RILP: variants seen among roughly 807,000 people sequenced by gnomAD.
The protein encoded by RILP is rab-interacting lysosomal protein.
Under a neutral mutation model 40.0 loss-of-function variants are expected in RILP, and 53 were observed. The observed-to-expected ratio is 1.32, with a 90% CI of 1.06 to 1.66. The LOEUF (loss-of-function observed/expected upper bound fraction) is 1.66. Ranked by LOEUF, RILP falls within the 40% of genes most tolerant of loss-of-function variation. The pLI is 0.00. For missense variants in RILP, 626 were observed against 551.7 expected, an observed-to-expected ratio of 1.13 and a Z score of -1.35; for synonymous variants, 272 against 250.6, an observed-to-expected ratio of 1.09 and a Z score of -0.80.
chr17:1,646,489 G>T lies in RILP; in HGVS notation c.1159C>A (p.Leu387Ile). Reference sequence around the variant, plus strand: ...GCCCCCAGACAAAGGTGTTCGTGGAGGGCAGAACAGGGCGGATCAGGAGCT... The same window carrying T: ...GCCCCCAGACAAAGGTGTTCGTGGATGGCAGAACAGGGCGGATCAGGAGCT... Reference protein sequence around the residue: ...SPAPDPPCSALHEHLCLGASA... With the variant: ...SPAPDPPCSAIHEHLCLGASA... Residue 387 changes from leucine to isoleucine, a missense_variant, in exon 8 of 8, where the codon CTC (leucine) becomes ATC (isoleucine). Transcript: ENST00000301336. This position sits in a 1 kb window ranked among gnomAD's most constrained non-coding sequence, Gnocchi z 4.3. 1 of 1,610,258 alleles carries T rather than the reference G, an allele frequency of 6.2e-7. No individual in the cohort carries two copies.
chr17:1,646,499 G>A lies in RILP; in HGVS notation c.1149C>T (p.Pro383=), dbSNP rs757406116. ...AAAGGTGTTCGTGGAGGGCAGAACA[G>A]GGCGGATCAGGAGCTGGAGACTGTG... ...AQPQSPAPDP[P]CSALHEHLCL... The change falls in exon 8 of 8, where the codon CCC becomes CCT. Residue 383 remains proline (P), a synonymous_variant. Transcript: ENST00000301336. This position sits in a 1 kb window ranked among gnomAD's most constrained non-coding sequence, Gnocchi z 4.3. 133 of 1,612,904 alleles carry A rather than the reference G, an allele frequency of 8.2e-5. No individual in the cohort carries two copies. Among genetic ancestry groups the A allele is most frequent in the Non-Finnish European group, 1.0e-4 (119 of 1,179,506 alleles).
chr17:1,647,560 G>A (rs1168896349), intron 6 of RILP, among the ~76,000 whole-genome samples: 1 of 152,166 alleles, frequency 6.6e-6, no homozygotes, highest in Non-Finnish European at 1.5e-5. Flanking sequence ...ATGTGGAGAG[G>A]CAGTGTTGTC....
chr17:1,647,829 A>G lies in RILP; in HGVS notation c.944+6T>C. The G allele has an allele frequency of 6.2e-7, 1 of 1,614,010 alleles. No homozygotes were observed. Among genetic ancestry groups the G allele is most frequent in the Middle Eastern group, 1.7e-4 (1 of 6,060 alleles). On this transcript the variant is annotated splice_donor_region_variant and intron_variant, in intron 6 of 7. Coordinates refer to ENST00000301336, the MANE Select transcript of RILP (RefSeq NM_031430.3). Reference sequence around the variant, plus strand: ...TGGCTCCGTGGGAATGCAGGCAGGGACCTACCTGCTCTCTGCTTCCTCTGG... The same window carrying G: ...TGGCTCCGTGGGAATGCAGGCAGGGGCCTACCTGCTCTCTGCTTCCTCTGG...
chr17:1,649,207 G>T lies in RILP; in HGVS notation c.422C>A (p.Thr141Asn). The change falls in exon 3 of 8, where the codon ACC (threonine) becomes AAC (asparagine). Residue 141 changes from threonine (T) to asparagine (N), a missense_variant. Coordinates refer to ENST00000301336, the MANE Select transcript of RILP (RefSeq NM_031430.3). The surrounding 1 kb of genome is among the most constrained non-coding windows in gnomAD (Gnocchi z 4.3). Reference sequence around the variant, plus strand: ...GCCCCGCCCCGCCCTCACCGCCTCGGTCTCCTGGCCGCGCTGCCGCAGGTC... The same window carrying T: ...GCCCCGCCCCGCCCTCACCGCCTCGTTCTCCTGGCCGCGCTGCCGCAGGTC... ...NRDLRQRGQE[T>N]EALQEQLQRL... 2.0e-6 allele frequency: 3 copies of T among 1,474,710 alleles called. No homozygotes were observed. Among genetic ancestry groups the T allele is most frequent in the Non-Finnish European group, 2.7e-6 (3 of 1,118,410 alleles). 91.4% of individuals were successfully genotyped at this position (1,474,710 alleles called of 1,614,324 possible). A position where few individuals can be genotyped will look rare whatever the true frequency, so the allele number is the denominator to read the frequency against.
At position 1,648,698 on chromosome 17, in the gene RILP, C is replaced by T. The variant is rs1379021350; in HGVS notation, c.675+101G>A. The T allele has an allele frequency of 2.1e-6, 3 of 1,429,404 alleles. No individual in the cohort carries two copies. Among genetic ancestry groups the T allele is most frequent in the African/African-American group, 1.4e-5 (1 of 69,522 alleles). The allele number at this position is 1,429,404 out of a possible 1,614,324, so 88.5% of individuals were successfully genotyped here. ...AGATCTGTCTGCCACCTCCCCGCTT[C>T]CTGGCCGACCTGCTGTGCAGCATGC... On this transcript the variant is annotated intron_variant, in intron 4 of 7. Transcript: ENST00000301336. This position sits in a 1 kb window ranked among gnomAD's most constrained non-coding sequence, Gnocchi z 4.9.
Position 1,646,507 on chromosome 17 carries a change from C to G in RILP, c.1141G>C (p.Asp381His). 6.2e-7 allele frequency: 1 copy of G among 1,613,190 alleles called. No individual in the cohort carries two copies. Reference sequence around the variant, plus strand: ...TCGTGGAGGGCAGAACAGGGCGGATCAGGAGCTGGAGACTGTGGTTGGGCC... The same window carrying G: ...TCGTGGAGGGCAGAACAGGGCGGATGAGGAGCTGGAGACTGTGGTTGGGCC... Reference protein sequence around the residue: ...EEAQPQSPAPDPPCSALHEHL... With the variant: ...EEAQPQSPAPHPPCSALHEHL... Residue 381 changes from aspartate (D) to histidine (H), a missense_variant, in exon 8 of 8, where the codon GAT (aspartate) becomes CAT (histidine). Coordinates refer to ENST00000301336, the MANE Select transcript of RILP (RefSeq NM_031430.3). The surrounding 1 kb of genome is among the most constrained non-coding windows in gnomAD (Gnocchi z 4.3).
rs200883518 is a variant in RILP, at chr17:1,646,568, G to A, written c.1080C>T (p.Ser360=). 28 of 1,610,262 alleles carry A rather than the reference G, an allele frequency of 1.7e-5. No homozygotes were observed. In the Middle Eastern group the frequency reaches 5.0e-4, roughly 29 times the overall value. ...GKAESSEDET[S]SPAPSKLGGE... ...CCCCTAGCTTGCTGGGTGCAGGGCT[G>A]CTGGTCTCATCCTCAGAGGATTCAG... Residue 360 remains serine, a synonymous_variant, in exon 8 of 8, where the codon AGC becomes AGT. Transcript: ENST00000301336. This position sits in a 1 kb window ranked among gnomAD's most constrained non-coding sequence, Gnocchi z 4.3.
In RILP at chr17:1,649,058, A is replaced by G. The variant is rs1910789035; in HGVS notation, c.430-14T>C. 1.4e-5 allele frequency: 4 copies of G among 278,138 alleles called. No individual in the cohort carries two copies. Among genetic ancestry groups the G allele is most frequent in the Non-Finnish European group, 2.6e-5 (4 of 152,750 alleles). The allele number at this position is 278,138 out of a possible 1,614,324, so 17.2% of individuals were successfully genotyped here. A position where few individuals can be genotyped will look rare whatever the true frequency, so the allele number is the denominator to read the frequency against. ...CTGCTCCTGCAACTGGGAGCGGAGC[A>G]AAGGGTGGGGTGGGCGGGGCACCGA... On this transcript the variant is annotated splice_polypyrimidine_tract_variant and intron_variant, in intron 3 of 7. Coordinates refer to ENST00000301336, the MANE Select transcript of RILP (RefSeq NM_031430.3). This position sits in a 1 kb window ranked among gnomAD's most constrained non-coding sequence, Gnocchi z 4.3.
In RILP at chr17:1,649,466, G is replaced by C. The variant is rs1262677181; in HGVS notation, c.268C>G (p.Arg90Gly). The change falls in exon 2 of 8, where the codon CGG becomes GGG. Residue 90 changes from arginine to glycine, a missense_variant. Arg to Gly is a moderately radical substitution (Grantham distance 125, BLOSUM62 -2). Transcript: ENST00000301336. This position sits in a 1 kb window ranked among gnomAD's most constrained non-coding sequence, Gnocchi z 4.3. ...AGGCGCTCGTTCTCCTCCCGCAGCC[G>C]CCGCAGCTCCTGCTCCGCCGGCTGC... The part of the protein sequence containing the change: ...SAQPAEQELR[R>G]LREENERLRR... The C allele has an allele frequency of 6.6e-7, 1 of 1,510,874 alleles. No individual in the cohort carries two copies. Among genetic ancestry groups the C allele is most frequent in the Non-Finnish European group, 8.8e-7 (1 of 1,137,536 alleles). 93.6% of individuals were successfully genotyped at this position (1,510,874 alleles called of 1,614,324 possible).
At position 1,649,083 on chromosome 17, in the gene RILP, A is replaced by G. The variant is rs1182182639; in HGVS notation, c.430-39T>C. On this transcript the variant is annotated intron_variant, in intron 3 of 7. Coordinates refer to ENST00000301336, the MANE Select transcript of RILP (RefSeq NM_031430.3). This position sits in a 1 kb window ranked among gnomAD's most constrained non-coding sequence, Gnocchi z 4.3. ...AAAGGGTGGGGTGGGCGGGGCACCG[A>G]GGGCCCCCCGGAGCCCCGCCCAGCG... is the stretch of plus-strand genomic sequence containing the variant. The G allele has an allele frequency of 6.8e-6, 8 of 1,179,082 alleles. No individual in the cohort carries two copies. Among genetic ancestry groups the G allele is most frequent in the African/African-American group, 6.6e-5 (4 of 60,794 alleles). The allele number at this position is 1,179,082 out of a possible 1,614,324, so 73.0% of individuals were successfully genotyped here. A position where few individuals can be genotyped will look rare whatever the true frequency, so the allele number is the denominator to read the frequency against.
In RILP at chr17:1,646,320, G is replaced by T; in HGVS notation, c.*122C>A. ...TACAGAGACGTAGAGAGGGAGGCGG[G>T]CTGAGACCCCGTCCTGCCCTGATGC... On this transcript the variant is annotated 3_prime_UTR_variant, in exon 8 of 8. Coordinates refer to ENST00000301336, the MANE Select transcript of RILP (RefSeq NM_031430.3). This position sits in a 1 kb window ranked among gnomAD's most constrained non-coding sequence, Gnocchi z 4.3. The T allele has an allele frequency of 2.1e-6, 2 of 935,692 alleles. No homozygotes were observed. Among genetic ancestry groups the T allele is most frequent in the Non-Finnish European group, 3.1e-6 (2 of 640,082 alleles). 58.0% of individuals were successfully genotyped at this position (935,692 alleles called of 1,614,324 possible). A position where few individuals can be genotyped will look rare whatever the true frequency, so the allele number is the denominator to read the frequency against.
rs751649564 is a variant in RILP at position 1,646,576 on chromosome 17, C to T, written c.1072G>A (p.Glu358Lys). Residue 358 changes from glutamate (E) to lysine (K), a missense_variant, in exon 8 of 8, where the codon GAG becomes AAG. Glu to Lys is a moderately conservative substitution (Grantham distance 56, BLOSUM62 1). Transcript: ENST00000301336. The surrounding 1 kb of genome is among the most constrained non-coding windows in gnomAD (Gnocchi z 4.3). ...YRGKAESSEDETSSPAPSKLG... is the reference protein window; with the variant it reads ...YRGKAESSEDKTSSPAPSKLG... ...TTGCTGGGTGCAGGGCTGCTGGTCTCATCCTCAGAGGATTCAGCTTTACCC... is the reference window on the plus strand; with the variant it reads ...TTGCTGGGTGCAGGGCTGCTGGTCTTATCCTCAGAGGATTCAGCTTTACCC... 3.7e-5 allele frequency: 59 copies of T among 1,607,134 alleles called. No individual in the cohort carries two copies. Among genetic ancestry groups the T allele is most frequent in the African/African-American group, 5.4e-5 (4 of 74,692 alleles).
In RILP at chr17:1,646,378, CT is replaced by C. The variant is rs1910567236; in HGVS notation, c.*63del. On this transcript the variant is annotated 3_prime_UTR_variant, in exon 8 of 8. Transcript: ENST00000301336. The surrounding 1 kb of genome is among the most constrained non-coding windows in gnomAD (Gnocchi z 4.3). ...GATTGGGGCAGACCCCTGGCGAGGG[CT>C]GTGAAGGCGGGAGCCCTGTCCTCAT... The C allele has an allele frequency of 4.1e-6, 6 of 1,465,864 alleles. No individual in the cohort carries two copies. The South Asian group carries it at 6.8e-5, about 17-fold the overall frequency. The allele number at this position is 1,465,864 out of a possible 1,614,324, so 90.8% of individuals were successfully genotyped here. A position where few individuals can be genotyped will look rare whatever the true frequency, so the allele number is the denominator to read the frequency against.
Position 1,648,684 on chromosome 17 carries a change from C to T in RILP, c.675+115G>A. The T allele has an allele frequency of 5.6e-6, 8 of 1,416,654 alleles. No homozygotes were observed. In the South Asian group the frequency reaches 1.2e-4, roughly 21 times the overall value. 87.8% of individuals were successfully genotyped at this position (1,416,654 alleles called of 1,614,324 possible). ...CCGGCCGGGGGCGCAGATCTGTCTGCCACCTCCCCGCTTCCTGGCCGACCT... is the reference window on the plus strand; with the variant it reads ...CCGGCCGGGGGCGCAGATCTGTCTGTCACCTCCCCGCTTCCTGGCCGACCT... On this transcript the variant is annotated intron_variant, in intron 4 of 7. Transcript: ENST00000301336. The surrounding 1 kb of genome is among the most constrained non-coding windows in gnomAD (Gnocchi z 4.9).
Position 1,649,319 on chromosome 17 carries a change from C to T in RILP, c.323-13G>A. On this transcript the variant is annotated splice_polypyrimidine_tract_variant and intron_variant, in intron 2 of 7. Coordinates refer to ENST00000301336, the MANE Select transcript of RILP (RefSeq NM_031430.3). The surrounding 1 kb of genome is among the most constrained non-coding windows in gnomAD (Gnocchi z 4.3). The stretch of plus-strand genomic sequence containing the variant: ...AGCGCGCGCTCCTCTGAGGAAGGGG[C>T]GTTCTTAGCGGCGGCGGCGCGCGGC... 2.7e-6 allele frequency: 4 copies of T among 1,497,316 alleles called. No homozygotes were observed. Among genetic ancestry groups the T allele is most frequent in the Non-Finnish European group, 3.5e-6 (4 of 1,130,334 alleles). 92.8% of individuals were successfully genotyped at this position (1,497,316 alleles called of 1,614,324 possible). A position where few individuals can be genotyped will look rare whatever the true frequency, so the allele number is the denominator to read the frequency against.
chr17:1,647,785 A>C (rs1313063345), intron 6 of RILP, 50 bp downstream of exon 6: 1 of 1,612,104 alleles, frequency 6.2e-7, no homozygotes, highest in Non-Finnish European at 8.5e-7. Flanking sequence ...CAGGCTCAGC[A>C]GAATGAGGGA....
At position 1,646,518 on chromosome 17, in the gene RILP, G is replaced by T. The variant is rs1228477487; in HGVS notation, c.1130C>A (p.Ser377Tyr). ...AGAACAGGGCGGATCAGGAGCTGGA[G>T]ACTGTGGTTGGGCCTCCTCTTCTCC... ...LGGEEEAQPQ[S>Y]PAPDPPCSAL... Residue 377 changes from serine to tyrosine, a missense_variant, in exon 8 of 8, where the codon TCT (serine) becomes TAT (tyrosine). Coordinates refer to ENST00000301336, the MANE Select transcript of RILP (RefSeq NM_031430.3). The surrounding 1 kb of genome is among the most constrained non-coding windows in gnomAD (Gnocchi z 4.3). The T allele has an allele frequency of 1.1e-5, 17 of 1,613,480 alleles. No homozygotes were observed. The highest frequency in any genetic ancestry group is 1.4e-5 in the Non-Finnish European group (16 of 1,179,786).
intron 6 of RILP, among the ~76,000 whole-genome samples, chr17:1,647,276 A>G (rs1001289560): frequency 6.6e-6 from 1 of 151,954 alleles, no homozygotes; most frequent in African/African-American, 2.4e-5. Context: ...AGTAGCTGGG[A>G]TTATAGGCAC....
Position 1,649,371 on chromosome 17 carries a change from C to G in RILP, c.322+41G>C, listed in dbSNP as rs775496416. The G allele has an allele frequency of 1.3e-6, 2 of 1,492,318 alleles. 1 individual carries two copies. Among genetic ancestry groups the G allele is most frequent in the African/African-American group, 2.9e-5 (2 of 68,732 alleles). The allele number at this position is 1,492,318 out of a possible 1,614,324, so 92.4% of individuals were successfully genotyped here. ...CGCGGGAGGGAGGGGAGGACCCGAGCAGGTCGTCACCCGCCCTGCCCTGGC... is the reference window on the plus strand; with the variant it reads ...CGCGGGAGGGAGGGGAGGACCCGAGGAGGTCGTCACCCGCCCTGCCCTGGC... On this transcript the variant is annotated intron_variant, in intron 2 of 7. Transcript: ENST00000301336. The surrounding 1 kb of genome is among the most constrained non-coding windows in gnomAD (Gnocchi z 4.3).
Sources: gnomAD v4.1 joint callset for allele counts (sites outside exome capture counted in the v4.1 genomes callset) on GRCh38, gnomAD v4.1.1 for gene constraint, Gnocchi (gnomAD v3.1) non-coding constraint, MANE v1.5 for transcripts, NCBI Gene and HGNC (gene_info 2026-07-23, HGNC 2026-07-21) for gene names.